Variants in UTRN observed in about 807,000 individuals in gnomAD.
UTRN encodes the protein utrophin.
A neutral mutation model predicts 463.9 loss-of-function variants in UTRN; 283 were observed. The ratio of observed to expected loss-of-function variants is 0.61; its 90% CI spans 0.55 to 0.67. UTRN has a LOEUF of 0.67. UTRN is among the 30% of genes least tolerant of loss of function. The probability of loss-of-function intolerance (pLI) is 0.00; values close to 1 mark genes in which losing one functional copy is unlikely to be tolerated. For synonymous variants in UTRN, 1,442 were observed against 1,431.5 expected (o/e 1.01, Z -0.17); for missense variants, 3,922 against 4,084.3 (o/e 0.96, Z 1.08).
chr6:144,516,089 A>G, intron 37 of UTRN, 140 bp from the exon 38 acceptor site: 1 of 823,574 alleles, frequency 1.2e-6, no homozygotes. Flanking sequence ...CATATAAATG[A>G]ATGAAACAAA....
At chr6:144,814,545 A>G (rs114047090) in intron 65 of UTRN, among the ~76,000 whole-genome samples, 1,718 of 152,338 alleles carry the variant, frequency 0.011, 31 homozygotes, top group African/African-American at 0.039. Flanking sequence ...AAAATTAATT[A>G]TACAACCAAA....
At chr6:144,738,597 A>G (rs1172499063) in intron 54 of UTRN, among the ~76,000 whole-genome samples, 1 of 152,238 alleles carries the variant, frequency 6.6e-6, no homozygotes, top group East Asian at 1.9e-4. Context: ...ATCACTAAAT[A>G]AAACTGCTAA....
chr6:144,803,370 A>G (rs755047507), intron 65 of UTRN, among the ~76,000 whole-genome samples: 4 of 151,838 alleles, frequency 2.6e-5, no homozygotes, highest in Non-Finnish European at 4.4e-5. Flanking sequence ...TTTGGTAGCA[A>G]ATTCTTTTAA....
chr6:144,464,360 T>C (rs370340391), intron 23 of UTRN, among the ~76,000 whole-genome samples: 22 of 152,230 alleles, frequency 1.4e-4, no homozygotes, highest in African/African-American at 5.1e-4. Context: ...TGTGTGTGTG[T>C]GTGGGTAGCT....
At chr6:144,559,376 G>A (rs1307793282) in intron 50 of UTRN, among the ~76,000 whole-genome samples, 1 of 151,866 alleles carries the variant, frequency 6.6e-6, no homozygotes, top group Non-Finnish European at 1.5e-5. Context: ...TATAAAACAG[G>A]GAAAACAGAG....
At chr6:144,849,452 C>T (rs371963077) in intron 74 of UTRN, among the ~76,000 whole-genome samples, 2 of 152,252 alleles carry the variant, frequency 1.3e-5, no homozygotes, top group African/African-American at 4.8e-5. Context: ...GAGGCCTTCT[C>T]CTCCTACTCT....
chr6:144,729,013 G>A (rs1026747362), intron 53 of UTRN, among the ~76,000 whole-genome samples: 3 of 151,988 alleles, frequency 2.0e-5, no homozygotes, highest in African/African-American at 7.3e-5. Context: ...CTCTATACAC[G>A]AGTAGGAAAA....
At position 144,504,466 on chromosome 6, in the gene UTRN, C is replaced by T. The variant is rs541499299; in HGVS notation, c.4764+5039C>T. Among the ~76,000 whole-genome samples the T allele has an allele frequency of 3.3e-5, 5 of 152,278 alleles. No individual in the cohort carries two copies. In the South Asian group the frequency reaches 1.0e-3, roughly 32 times the overall value. ...AGCATGAAGGGGTATTGAATTTTAT[C>T]AAAGGCCTTTTCTGCATCTATTGAG... On this transcript the variant is annotated intron_variant, in intron 34 of 74. Transcript: ENST00000367545.
intron 55 of UTRN, 51 bp downstream of exon 55, chr6:144,748,565 T>G: frequency 6.3e-7 from 1 of 1,576,822 alleles, no homozygotes; most frequent in Non-Finnish European, 8.6e-7. Flanking sequence ...TCTTGTTAAA[T>G]ATAACACAAA....
At chr6:144,525,549 G>T (rs1256338971) in intron 41 of UTRN, among the ~76,000 whole-genome samples, 1 of 151,968 alleles carries the variant, frequency 6.6e-6, no homozygotes, top group African/African-American at 2.4e-5. Flanking sequence ...GTTTCTGATT[G>T]AACTGATTTG....
At chr6:144,508,494 T>C (rs1421120569) in intron 34 of UTRN, among the ~76,000 whole-genome samples, 1 of 152,188 alleles carries the variant, frequency 6.6e-6, no homozygotes, top group Non-Finnish European at 1.5e-5. Context: ...TTCCCTTGGC[T>C]AGGGGAGGGA....
intron 26 of UTRN, among the ~76,000 whole-genome samples, chr6:144,480,658 A>G (rs1184927118): frequency 6.6e-6 from 1 of 152,212 alleles, no homozygotes; most frequent in Non-Finnish European, 1.5e-5. Flanking sequence ...ATATAATAAA[A>G]GAACTGGGCA....
chr6:144,595,997 A>G (rs552868284), intron 51 of UTRN, among the ~76,000 whole-genome samples: 82 of 152,274 alleles, frequency 5.4e-4, no homozygotes, highest in Non-Finnish European at 1.1e-3. Flanking sequence ...CATTTGCTCT[A>G]TTTTGAAGTA....
chr6:144,478,999 C>T (rs1023057249), intron 25 of UTRN, among the ~76,000 whole-genome samples: 5 of 151,834 alleles, frequency 3.3e-5, no homozygotes, highest in South Asian at 2.1e-4. Flanking sequence ...TTTTATAGAG[C>T]GGTGTCTTAT....
At chr6:144,562,292 A>G (rs139598559) in intron 50 of UTRN, among the ~76,000 whole-genome samples, 86 of 152,244 alleles carry the variant, frequency 5.6e-4, no homozygotes, top group African/African-American at 2.0e-3. Flanking sequence ...TGCTGCATCT[A>G]TCAACCCATT....
At position 144,485,285 on chromosome 6, in the gene UTRN, C is replaced by T. The variant is rs888919900; in HGVS notation, c.3688-100C>T. ...AGTTCTGAATTCCTAGGTATACTCA[C>T]ATCCAAATGAAATTATTAGCGATTA... On this transcript the variant is annotated intron_variant, in intron 27 of 74. Coordinates refer to ENST00000367545, the MANE Select transcript of UTRN (RefSeq NM_007124.3). 27 of 1,502,934 alleles carry T rather than the reference C, an allele frequency of 1.8e-5. No individual in the cohort carries two copies. In the African/African-American group the frequency reaches 2.2e-4, roughly 12 times the overall value. 93.1% of individuals were successfully genotyped at this position (1,502,934 alleles called of 1,614,324 possible).
intron 58 of UTRN, among the ~76,000 whole-genome samples, chr6:144,764,652 C>T (rs1793070968): frequency 6.6e-6 from 1 of 151,628 alleles, no homozygotes; most frequent in Non-Finnish European, 1.5e-5. Flanking sequence ...ACTGCCATTG[C>T]AATTAGCAAA....
At chr6:144,426,005 C>A (rs1289118971) in intron 6 of UTRN, among the ~76,000 whole-genome samples, 2 of 152,112 alleles carry the variant, frequency 1.3e-5, no homozygotes, top group Non-Finnish European at 2.9e-5. Flanking sequence ...AAGTTATGTT[C>A]ATTGTAACCA....
Position 144,548,660 on chromosome 6 carries a change from G to A in UTRN, c.6616G>A (p.Val2206Met), listed in dbSNP as rs1315040974. ...RIAAHPNVQK[V>M]VLVSSASDIP... ...TTCAGCTCATCCTAATGTCCAAAAG[G>A]TGGTGCTAGTATCATCTGCGTCAGA... Residue 2206 changes from valine to methionine, a missense_variant, in exon 47 of 75, where the codon GTG (valine) becomes ATG (methionine). Val to Met is a conservative substitution (Grantham distance 21). Coordinates refer to ENST00000367545, the MANE Select transcript of UTRN (RefSeq NM_007124.3). 1 of 1,613,650 alleles carries A rather than the reference G, an allele frequency of 6.2e-7. No homozygotes were observed. The highest frequency in any genetic ancestry group is 1.1e-5 in the South Asian group (1 of 91,020).
Sources: gnomAD v4.1 joint callset for allele counts (sites outside exome capture counted in the v4.1 genomes callset) on GRCh38, gnomAD v4.1.1 for gene constraint, MANE v1.5 for transcripts, NCBI Gene and HGNC (gene_info 2026-07-23, HGNC 2026-07-21) for gene names.